Variants in ARHGAP26 observed in about 807,000 individuals in gnomAD.
The protein encoded by ARHGAP26 is rho GTPase-activating protein 26.
A neutral mutation model predicts 104.8 loss-of-function variants in ARHGAP26; 38 were observed. The observed-to-expected ratio is 0.36, with a 90% CI of 0.28 to 0.48. The LOEUF (loss-of-function observed/expected upper bound fraction) is 0.48. Among genes scored for constraint, ARHGAP26 ranks in the 20% least tolerant of loss-of-function variants. ARHGAP26 has a pLI of 0.99. For synonymous variants in ARHGAP26, 341 were observed against 340.0 expected, an observed-to-expected ratio of 1.00 and a Z score of -0.03; for missense variants, 704 against 947.9, an observed-to-expected ratio of 0.74 and a Z score of 3.38.
rs10610584 is a variant in ARHGAP26 at position 143,168,445 on chromosome 5, C to CTTTTTTTTTTTTTTTTTTTT, written c.1988+21076_1988+21095dup. 7 of 25,708 alleles carry CTTTTTTTTTTTTTTTTTTTT rather than the reference C, an allele frequency of 2.7e-4. 1 individual carries two copies. The highest frequency in any genetic ancestry group is 7.4e-4 in the Admixed American group (1 of 1,358). 1.6% of individuals were successfully genotyped at this position (25,708 alleles called of 1,614,324 possible). A position where few individuals can be genotyped will look rare whatever the true frequency, so the allele number is the denominator to read the frequency against. On this transcript the variant is annotated intron_variant, in intron 20 of 22. Transcript: ENST00000645722. ...CAAATAGACCTCACCATCTGGAACT[C>CTTTTTTTTTTTTTTTTTTTT]TTTTTTTTTTTTTTTTTTTTTTTTT... is the stretch of plus-strand genomic sequence containing the variant.
chr5:142,926,820 CCCATACTTA>C (rs1763975117), intron 10 of ARHGAP26, among the ~76,000 whole-genome samples: 1 of 152,106 alleles, frequency 6.6e-6, no homozygotes, highest in South Asian at 2.1e-4. Flanking sequence ...TTAACCTTAC[CCCATACTTA>C]CCATCCTGTT....
At chr5:143,060,317 A>AT (rs1186283082) in intron 17 of ARHGAP26, among the ~76,000 whole-genome samples, 1 of 152,194 alleles carries the variant, frequency 6.6e-6, no homozygotes, top group African/African-American at 2.4e-5. Flanking sequence ...AAAGGCAAGC[A>AT]TTTTGTATTG....
intron 20 of ARHGAP26, among the ~76,000 whole-genome samples, chr5:143,154,097 T>C (rs970101146): frequency 6.6e-6 from 1 of 151,282 alleles, no homozygotes; most frequent in Non-Finnish European, 1.5e-5. Context: ...CAAATGTCAA[T>C]TGAACTCCTA....
At chr5:142,881,578 A>G (rs927061655) in intron 4 of ARHGAP26, among the ~76,000 whole-genome samples, 1 of 152,222 alleles carries the variant, frequency 6.6e-6, no homozygotes, top group Non-Finnish European at 1.5e-5. Flanking sequence ...TGATCACTAA[A>G]GAAGAATTGT....
intron 1 of ARHGAP26, among the ~76,000 whole-genome samples, chr5:142,815,728 T>C (rs886334105): frequency 1.3e-5 from 2 of 152,164 alleles, no homozygotes; most frequent in African/African-American, 2.4e-5. Flanking sequence ...TTCTCACCAC[T>C]TTCAGACTCA....
chr5:142,823,575 C>T (rs370246251), intron 1 of ARHGAP26, among the ~76,000 whole-genome samples: 36 of 152,168 alleles, frequency 2.4e-4, no homozygotes, highest in African/African-American at 8.2e-4. Context: ...TTATGGCAAA[C>T]TAATCTCAAA....
At chr5:143,123,314 C>G (rs550664368) in intron 18 of ARHGAP26, among the ~76,000 whole-genome samples, 14 of 152,202 alleles carry the variant, frequency 9.2e-5, no homozygotes, top group Non-Finnish European at 2.1e-4. Flanking sequence ...ATCTTGACTC[C>G]TTTTTCACTG....
chr5:143,083,629 G>C (rs1023650311), intron 17 of ARHGAP26, among the ~76,000 whole-genome samples: 24 of 152,062 alleles, frequency 1.6e-4, no homozygotes, highest in Admixed American at 1.6e-3. Flanking sequence ...CTTCCAAGTA[G>C]CTGTGATTAC....
At chr5:142,957,963 A>G (rs1336546646) in intron 11 of ARHGAP26, among the ~76,000 whole-genome samples, 1 of 152,226 alleles carries the variant, frequency 6.6e-6, no homozygotes, top group Non-Finnish European at 1.5e-5. Context: ...TTTTCTAGAG[A>G]GATTTTTGTT....
At chr5:143,083,881 G>T (rs1372782578) in intron 17 of ARHGAP26, among the ~76,000 whole-genome samples, 1 of 152,128 alleles carries the variant, frequency 6.6e-6, no homozygotes, top group African/African-American at 2.4e-5. Context: ...AGAAAACCTT[G>T]AGATACTTCA....
chr5:143,145,794 G>T (rs1406486917), intron 19 of ARHGAP26, among the ~76,000 whole-genome samples: 2 of 152,150 alleles, frequency 1.3e-5, no homozygotes, highest in Non-Finnish European at 2.9e-5. Flanking sequence ...TCTCTCTCCT[G>T]TGGGGCTTTA....
chr5:142,816,301 A>G (rs1245752978), intron 1 of ARHGAP26, among the ~76,000 whole-genome samples: 5 of 152,246 alleles, frequency 3.3e-5, no homozygotes, highest in Admixed American at 2.0e-4. Context: ...GACACTGGAT[A>G]AATATGTGTT....
chr5:142,972,325 C>T (rs1377994759), intron 11 of ARHGAP26, among the ~76,000 whole-genome samples: 1 of 152,152 alleles, frequency 6.6e-6, no homozygotes. Context: ...TAAGATGCTT[C>T]TTTGCTCAGA....
intron 20 of ARHGAP26, among the ~76,000 whole-genome samples, chr5:143,187,319 AAGTTTT>A (rs1378582829): frequency 6.6e-6 from 1 of 152,228 alleles, no homozygotes; most frequent in East Asian, 1.9e-4. Flanking sequence ...CAAGTATGAC[AAGTTTT>A]CTCTGAAAAC....
chr5:142,930,000 C>T (rs1764479168), intron 10 of ARHGAP26, among the ~76,000 whole-genome samples: 1 of 152,182 alleles, frequency 6.6e-6, no homozygotes, highest in Non-Finnish European at 1.5e-5. Flanking sequence ...TCAAGATCAC[C>T]TGGGGAGTTG....
At chr5:143,037,394 C>A in intron 13 of ARHGAP26, 133 bp downstream of exon 13, 1 of 618,432 alleles carries the variant, frequency 1.6e-6, no homozygotes, top group Non-Finnish European at 2.5e-6. Flanking sequence ...AGTGGATTTC[C>A]ACAAGTCTTG....
intron 12 of ARHGAP26, among the ~76,000 whole-genome samples, chr5:143,029,908 A>G (rs1781620944): frequency 6.6e-6 from 1 of 152,154 alleles, no homozygotes; most frequent in African/African-American, 2.4e-5. Flanking sequence ...GTTGAGGCTA[A>G]TTCAGTAGAT....
chr5:142,822,484 C>T (rs983894042), intron 1 of ARHGAP26, among the ~76,000 whole-genome samples: 4 of 151,964 alleles, frequency 2.6e-5, no homozygotes, highest in Non-Finnish European at 4.4e-5. Context: ...GGTTAAATCT[C>T]GGTATAATTC....
intron 1 of ARHGAP26, among the ~76,000 whole-genome samples, chr5:142,788,730 A>G (rs1759169774): frequency 6.6e-6 from 1 of 152,218 alleles, no homozygotes; most frequent in Non-Finnish European, 1.5e-5. Context: ...ATATGCAAAT[A>G]CTATGCCATT....
Sources: allele counts gnomAD v4.1 joint callset (sites outside exome capture counted in the v4.1 genomes callset), GRCh38; gene constraint gnomAD v4.1.1; transcripts MANE v1.5; gene names NCBI Gene and HGNC (gene_info 2026-07-23, HGNC 2026-07-21).